MAGIX: variants seen among roughly 807,000 people sequenced by gnomAD.
MAGIX encodes MAGI family member, X-linked.
MAGIX carries 13 observed loss-of-function variants against 10.0 expected under a neutral mutation model. That is an observed-to-expected ratio of 1.30 (90% CI 0.84 to 2.06). The LOEUF is 2.06. Ranked by LOEUF, MAGIX falls within the 30% of genes most tolerant of loss-of-function variation. The probability of loss-of-function intolerance (pLI) is 0.00; values close to 1 mark genes in which losing one functional copy is unlikely to be tolerated. For synonymous variants in MAGIX, 108 were observed against 106.8 expected (o/e 1.01, Z -0.07); for missense variants, 235 against 245.2 (o/e 0.96, Z 0.28).
intron 1 of MAGIX, 165 bp from the exon 2 acceptor site, chrX:49,163,618 G>C: frequency 2.4e-6 from 1 of 414,260 alleles, no homozygotes; most frequent in Admixed American, 6.4e-5. Flanking sequence ...GCGACGGTCG[G>C]GGATCGCGTG....
intron 4 of MAGIX, chrX:49,165,738 G>A (rs782041335): frequency 3.0e-6 from 1 of 329,837 alleles, no homozygotes. Flanking sequence ...AGGGTAGGGG[G>A]TCTAGTTCTG....
At chrX:49,164,371 T>G (rs2065351560) in intron 2 of MAGIX, 2 of 349,831 alleles carry the variant, frequency 5.7e-6, no homozygotes, top group East Asian at 4.8e-5. Context: ...AGGAGCCAAA[T>G]TTTGGAGTAG....
chrX:49,166,650 C>G (rs781929706), exon 5 of MAGIX: 468 of 352,961 alleles, frequency 1.3e-3, no homozygotes, highest in Non-Finnish European at 2.1e-3. Flanking sequence ...TTGCCAGGCG[C>G]TCGAGGCGGG....
At chrX:49,168,198 T>TG (rs1158689692) in exon 5 of MAGIX, 2 of 111,188 alleles carry the variant, frequency 1.8e-5, no homozygotes, top group Non-Finnish European at 3.8e-5. Flanking sequence ...AGGCCAGGCG[T>TG]GGTGGCTCAC....
chrX:49,165,119 G>A (rs1220883459), intron 3 of MAGIX, 29 bp downstream of exon 4: 1 of 1,198,962 alleles, frequency 8.3e-7, no homozygotes, highest in East Asian at 3.0e-5. Context: ...TCCACTGGTA[G>A]GTGCTATCCC....
At chrX:49,165,752 A>G (rs904895979) in intron 4 of MAGIX, 12 of 327,274 alleles carry the variant, frequency 3.7e-5, no homozygotes, top group African/African-American at 2.4e-4. Context: ...AGTTCTGAAA[A>G]ACAAAGGGTC....
At position 49,163,763 on chromosome X, in the gene MAGIX, C is replaced by G. The variant is rs1323829367; in HGVS notation, c.-201-20C>G. On this transcript the variant is annotated intron_variant, in intron 1 of 4. Coordinates refer to ENST00000616266, the Ensembl canonical transcript of MAGIX. Reference sequence around the variant, plus strand: ...GCCGAGGCCGAGGGTCGGCGTTGACCTGTCCCCTCTTGCGCGCAGGCCGCG... The same window carrying G: ...GCCGAGGCCGAGGGTCGGCGTTGACGTGTCCCCTCTTGCGCGCAGGCCGCG... 1 of 1,036,818 alleles carries G rather than the reference C, an allele frequency of 9.6e-7. No homozygotes were observed. The highest frequency in any genetic ancestry group is 1.2e-6 in the Non-Finnish European group (1 of 814,950). The allele number at this position is 1,036,818 out of a possible 1,213,427, so 85.4% of individuals were successfully genotyped here.
intron 2 of MAGIX, chrX:49,164,354 A>G: frequency 3.0e-6 from 1 of 338,503 alleles, no homozygotes; most frequent in South Asian, 5.5e-5. Context: ...CGTGCTATGG[A>G]AGGTTCAGGA....
chrX:49,164,887 G>T (rs1569525551), exon 3 of MAGIX: 1 of 1,211,892 alleles, frequency 8.3e-7, no homozygotes, highest in East Asian at 3.0e-5. Flanking sequence ...GACATGTAAC[G>T]CACCTCCCCA....
chrX:49,166,515 CCGCTGCTCAGT>C, exon 5 of MAGIX: 1 of 613,311 alleles, frequency 1.6e-6, no homozygotes, highest in Non-Finnish European at 2.4e-6. Flanking sequence ...GTCCCCCCAC[CCGCTGCTCAGT>C]GGCTCTGACC....
rs782369776 is a variant in MAGIX, at chrX:49,166,158, A to G, written c.587A>G (p.His196Arg). ...AGCAGCAGCACTTCCCTAGTTCAGCACCCTCCATCCCGGACGACGCTCAAG... is the reference window on the plus strand; with the variant it reads ...AGCAGCAGCACTTCCCTAGTTCAGCGCCCTCCATCCCGGACGACGCTCAAG... Residue 196 changes from histidine (H) to arginine (R), a missense_variant, in exon 5 of 5, where the codon CAC (histidine) becomes CGC (arginine). His to Arg is a conservative substitution (Grantham distance 29, BLOSUM62 0). Transcript: ENST00000616266. 1.7e-5 allele frequency: 21 copies of G among 1,209,600 alleles called. No individual in the cohort carries two copies. The East Asian group carries it at 5.6e-4, about 32-fold the overall frequency.
At chrX:49,168,487 A>C (rs946811490), downstream of MAGIX, 55 of 106,106 alleles carry the variant, frequency 5.2e-4, no homozygotes, top group African/African-American at 1.7e-3. Context: ...AAAAAAAAAA[A>C]AAAAAACTTC....
At position 49,163,625 on chromosome X, in the gene MAGIX, C is replaced by CAT. The variant is rs1334708463; in HGVS notation, c.-201-158_-201-157insAT. On this transcript the variant is annotated intron_variant, in intron 1 of 4. Transcript: ENST00000616266. ...GGCTACCCGCGACGGTCGGGGATCG[C>CAT]GTGAGGGGAGGGACAGCAGTGACCT... is the stretch of plus-strand genomic sequence containing the variant. The CAT allele has an allele frequency of 2.0e-4, 86 of 438,337 alleles. No homozygotes were observed. The African/African-American group carries it at 2.1e-3, about 11-fold the overall frequency. The allele number at this position is 438,337 out of a possible 1,213,427, so 36.1% of individuals were successfully genotyped here.
downstream of MAGIX, among the ~76,000 whole-genome samples, chrX:49,168,644 G>T (rs2065380944): frequency 1.9e-5 from 2 of 106,114 alleles, no homozygotes; most frequent in African/African-American, 6.9e-5. Context: ...GGGAGTGGTG[G>T]CTCATGCCTG....
At chrX:49,168,020 T>G (rs1016657726) in exon 5 of MAGIX, 1 of 111,829 alleles carries the variant, frequency 8.9e-6, no homozygotes, top group Non-Finnish European at 1.9e-5. Context: ...CAATTTCACC[T>G]GCATTGACAA....
At chrX:49,162,827 GC>G in intron 1 of MAGIX, 1 of 686,794 alleles carries the variant, frequency 1.5e-6, no homozygotes, top group Non-Finnish European at 2.1e-6. Context: ...CGCCAGGTGA[GC>G]GCGCCCCAGA....
chrX:49,166,044 C>T (rs1456579072), intron 4 of MAGIX, 30 bp from the exon 6 acceptor site: 7 of 1,185,625 alleles, frequency 5.9e-6, no homozygotes, highest in Non-Finnish European at 8.0e-6. Flanking sequence ...GATTTCCCTT[C>T]CCTACTTCAC....
At chrX:49,163,672 C>G in intron 1 of MAGIX, 111 bp from the exon 2 acceptor site, 1 of 741,884 alleles carries the variant, frequency 1.3e-6, no homozygotes. Flanking sequence ...GAGGGAGTGG[C>G]CAGGGGTCGC....
In MAGIX at chrX:49,165,216, C is replaced by T. The variant is rs370810266; in HGVS notation, c.357C>T (p.Asn119=). ...TCGGGGACCTCGTGCTCCACATCAA[C>T]GGAGAGTCAACGCAGGGCCTCACCC... is the stretch of plus-strand genomic sequence containing the variant. The change falls in exon 4 of 5, where the codon AAC becomes AAT. Residue 119 remains asparagine, a synonymous_variant. Transcript: ENST00000616266. The T allele has an allele frequency of 5.1e-6, 6 of 1,186,804 alleles. No individual in the cohort carries two copies. The African/African-American group carries it at 7.0e-5, about 14-fold the overall frequency.
Sources: gnomAD v4.1 joint callset for allele counts (sites outside exome capture counted in the v4.1 genomes callset) on GRCh38, gnomAD v4.1.1 for gene constraint, MANE v1.5 for transcripts, NCBI Gene and HGNC (gene_info 2026-07-23, HGNC 2026-07-21) for gene names.